Variants in H2BW2 observed in about 807,000 individuals in gnomAD.
H2BW2 encodes the protein histone H2B type F-M.
Under a neutral mutation model 9.2 loss-of-function variants are expected in H2BW2, and 8 were observed. The ratio of observed to expected loss-of-function variants is 0.87; its 90% CI spans 0.51 to 1.57. The LOEUF is 1.57. H2BW2 is among the 40% of genes most tolerant of loss of function. The pLI, the probability that H2BW2 is intolerant of heterozygous loss-of-function variation, is 0.00. For synonymous variants in H2BW2, 80 were observed against 56.8 expected (o/e 1.41, Z -1.84); for missense variants, 193 against 137.3 (o/e 1.41, Z -2.03).
intron 2 of H2BW2, 99 bp downstream of exon 2, chrX:104,040,985 T>G: frequency 1.2e-6 from 1 of 866,631 alleles, no homozygotes; most frequent in Non-Finnish European, 1.6e-6. Flanking sequence ...AAATAAAATT[T>G]TCAAGAATCC....
rs1204352242 is a variant in H2BW2 at position 104,040,545 on chromosome X, G to A, written c.410+141G>A. 5.1e-6 allele frequency: 3 copies of A among 586,020 alleles called. No homozygotes were observed. In the African/African-American group the frequency reaches 6.9e-5, roughly 14 times the overall value. 48.3% of individuals were successfully genotyped at this position (586,020 alleles called of 1,213,427 possible). A position where few individuals can be genotyped will look rare whatever the true frequency, so the allele number is the denominator to read the frequency against. ...ACCCCACCGGAGGTTGGTGTGGGTGGCACCGTTCCAGCTTGGGGGGCATGT... is the reference window on the plus strand; with the variant it reads ...ACCCCACCGGAGGTTGGTGTGGGTGACACCGTTCCAGCTTGGGGGGCATGT... On this transcript the variant is annotated intron_variant, in intron 1 of 3. Transcript: ENST00000675318.
At chrX:104,041,015 C>T in intron 2 of H2BW2, 73 bp from the exon 3 acceptor site, 7 of 606,848 alleles carry the variant, frequency 1.2e-5, no homozygotes, top group East Asian at 3.6e-5. Flanking sequence ...CCAGCTTCCC[C>T]GACTCTGAGA....
Position 104,040,336 on chromosome X carries a change from C to T in H2BW2, c.342C>T (p.Ala114=), listed in dbSNP as rs782305390. The change falls in exon 1 of 4, where the codon GCC becomes GCT. Residue 114 remains alanine, a synonymous_variant. Coordinates refer to ENST00000675318, the MANE Select transcript of H2BW2 (RefSeq NM_001388464.1). ...TCACCTCCCGGGACATCCAGATGGC[C>T]GTGCGACTGCTGCTGCCGGGGAAGA... ...VTITSRDIQM[A]VRLLLPGKMG... 17 of 1,190,646 alleles carry T rather than the reference C, an allele frequency of 1.4e-5. No individual in the cohort carries two copies. The highest frequency in any genetic ancestry group is 3.0e-5 in the East Asian group (1 of 32,794).
At chrX:104,041,530 T>C (rs1170248518) in intron 3 of H2BW2, 1 of 112,019 alleles carries the variant, frequency 8.9e-6, no homozygotes, top group African/African-American at 3.2e-5. Flanking sequence ...GGGTCCCAAG[T>C]CTTGGCATTT....
In H2BW2 at chrX:104,040,355, G is replaced by A; in HGVS notation, c.361G>A (p.Gly121Arg). Residue 121 changes from glycine (G) to arginine (R), a missense_variant, in exon 1 of 4, where the codon GGG becomes AGG. By Grantham distance (125) the Gly-to-Arg change is moderately radical. Transcript: ENST00000675318. ...IQMAVRLLLP[G>R]KMGKLAEAQG... ...GATGGCCGTGCGACTGCTGCTGCCG[G>A]GGAAGATGGGCAAGCTCGCCGAGGC... The A allele has an allele frequency of 8.5e-7, 1 of 1,182,985 alleles. No homozygotes were observed. The highest frequency in any genetic ancestry group is 1.1e-6 in the Non-Finnish European group (1 of 881,180).
Position 104,040,275 on chromosome X carries a change from C to T in H2BW2, c.281C>T (p.Ala94Val), listed in dbSNP as rs1556343866. 3.3e-6 allele frequency: 4 copies of T among 1,194,144 alleles called. No homozygotes were observed. In the African/African-American group the frequency reaches 5.3e-5, roughly 16 times the overall value. Residue 94 changes from alanine to valine, a missense_variant, in exon 1 of 4, where the codon GCT becomes GTT. Physicochemically the swap from Ala to Val is moderately conservative, Grantham distance 64. Transcript: ENST00000675318. ...HDILDRIATE[A>V]GQLAHYTKRV... ...ATATTGGACCGCATCGCCACCGAGG[C>T]TGGTCAGCTGGCCCATTACACCAAG...
intron 2 of H2BW2, 51 bp downstream of exon 2, chrX:104,040,937 A>G: frequency 8.6e-7 from 1 of 1,160,733 alleles, no homozygotes; most frequent in Non-Finnish European, 1.2e-6. Context: ...ATCCATGTAA[A>G]TAAGCAAACG....
At position 104,040,018 on chromosome X, in the gene H2BW2, A is replaced by G. The variant is rs201608628; in HGVS notation, c.24A>G (p.Thr8=). 427 of 1,162,073 alleles carry G rather than the reference A, an allele frequency of 3.7e-4. 2 individuals are homozygous for G. Among genetic ancestry groups the G allele is most frequent in the Middle Eastern group, 2.8e-3 (12 of 4,275 alleles). MAEASSE[T]TSEEGQSIQE... ...CCATGGCTGAGGCTTCCTCTGAGAC[A>G]ACCTCGGAGGAAGGCCAGAGCATCC... Residue 8 remains threonine (T), a synonymous_variant, in exon 1 of 4, where the codon ACA becomes ACG. Coordinates refer to ENST00000675318, the MANE Select transcript of H2BW2 (RefSeq NM_001388464.1).
chrX:104,041,146 C>A, intron 3 of H2BW2, 40 bp downstream of exon 3: 1 of 371,078 alleles, frequency 2.7e-6, no homozygotes, highest in South Asian at 3.6e-5. Flanking sequence ...ACGGAAACAG[C>A]TCATGCCCTA....
rs368059858 is a variant in H2BW2 at position 104,040,891 on chromosome X, C to T, written c.*22+5C>T. ...TATGCTGATACAAGAAGCAAGGTAA[C>T]CCTCCTAAATGTGTTCAGCATCTCT... is the stretch of plus-strand genomic sequence containing the variant. On this transcript the variant is annotated splice_donor_5th_base_variant and intron_variant, in intron 2 of 3. Coordinates refer to ENST00000675318, the MANE Select transcript of H2BW2 (RefSeq NM_001388464.1). 3.4e-6 allele frequency: 4 copies of T among 1,183,885 alleles called. No individual in the cohort carries two copies. The highest frequency in any genetic ancestry group is 4.6e-6 in the Non-Finnish European group (4 of 871,526).
intron 1 of H2BW2, among the ~76,000 whole-genome samples, 159 bp downstream of exon 1, chrX:104,040,563 G>A (rs782583200): frequency 1.7e-3 from 194 of 112,683 alleles, no homozygotes; most frequent in Non-Finnish European, 3.2e-3. Flanking sequence ...CCAGCTTGGG[G>A]GGCATGTGCC....
Position 104,040,176 on chromosome X carries a change from T to G in H2BW2, c.182T>G (p.Val61Gly), listed in dbSNP as rs1556343771. Residue 61 changes from valine (V) to glycine (G), a missense_variant, in exon 1 of 4, where the codon GTG becomes GGG. Coordinates refer to ENST00000675318, the MANE Select transcript of H2BW2 (RefSeq NM_001388464.1). ...AGCTTCACCCCCTATTTCCCCCGGG[T>G]GCTGAAGCAGGTTCACCAGGGCCTC... is the stretch of plus-strand genomic sequence containing the variant. ...GDSFTPYFPR[V>G]LKQVHQGLSL... is the part of the protein sequence containing the mutation. 1.7e-6 allele frequency: 2 copies of G among 1,187,860 alleles called. No homozygotes were observed. Among genetic ancestry groups the G allele is most frequent in the Non-Finnish European group, 2.3e-6 (2 of 884,301 alleles).
intron 3 of H2BW2, chrX:104,041,429 G>T (rs2075204052): frequency 8.8e-6 from 1 of 113,833 alleles, no homozygotes; most frequent in Non-Finnish European, 1.8e-5. Flanking sequence ...ACCATTAGTA[G>T]AAGTCAGATA....
chrX:104,040,152 G>C lies in H2BW2; in HGVS notation c.158G>C (p.Ser53Thr), dbSNP rs782319233. The stretch of plus-strand genomic sequence containing the variant: ...CGCCGTGGGGACAGCTTCGGGGACA[G>C]CTTCACCCCCTATTTCCCCCGGGTG... ...ANRRGDSFGD[S>T]FTPYFPRVLK... The change falls in exon 1 of 4, where the codon AGC becomes ACC. Residue 53 changes from serine (S) to threonine (T), a missense_variant. Ser to Thr is a moderately conservative substitution (Grantham distance 58). Transcript: ENST00000675318. 5.1e-6 allele frequency: 6 copies of C among 1,183,199 alleles called. No individual in the cohort carries two copies. In the African/African-American group the frequency reaches 8.9e-5, roughly 18 times the overall value.
In H2BW2 at chrX:104,040,322, G is replaced by T. The variant is rs782504283; in HGVS notation, c.328G>T (p.Asp110Tyr). The change falls in exon 1 of 4, where the codon GAC becomes TAC. Residue 110 changes from aspartate (D) to tyrosine (Y), a missense_variant. Transcript: ENST00000675318. The stretch of plus-strand genomic sequence containing the variant: ...CAAGCGCGTGACCATCACCTCCCGG[G>T]ACATCCAGATGGCCGTGCGACTGCT... Reference protein sequence around the residue: ...YTKRVTITSRDIQMAVRLLLP... With the variant: ...YTKRVTITSRYIQMAVRLLLP... 50 of 1,194,370 alleles carry T rather than the reference G, an allele frequency of 4.2e-5. No homozygotes were observed. Among genetic ancestry groups the T allele is most frequent in the Non-Finnish European group, 5.5e-5 (49 of 887,698 alleles).
chrX:104,040,113 G>A lies in H2BW2; in HGVS notation c.119G>A (p.Arg40Lys). The change falls in exon 1 of 4, where the codon AGG (arginine) becomes AAG (lysine). Residue 40 changes from arginine to lysine, a missense_variant. Transcript: ENST00000675318. ...QKRRGCRGSRRRHANRRGDSF... is the reference protein window; with the variant it reads ...QKRRGCRGSRKRHANRRGDSF... ...AGGCGAGGGTGCCGAGGCTCCCGCA[G>A]GCGCCACGCCAACCGCCGTGGGGAC... is the stretch of plus-strand genomic sequence containing the variant. 8.5e-7 allele frequency: 1 copy of A among 1,170,419 alleles called. No homozygotes were observed. Among genetic ancestry groups the A allele is most frequent in the South Asian group, 1.9e-5 (1 of 52,277 alleles).
chrX:104,040,261 C>T lies in H2BW2; in HGVS notation c.267C>T (p.Arg89=). Residue 89 remains arginine (R), a synonymous_variant, in exon 1 of 4, where the codon CGC becomes CGT. Coordinates refer to ENST00000675318, the MANE Select transcript of H2BW2 (RefSeq NM_001388464.1). The part of the protein sequence containing the change: ...MDSMIHDILD[R]IATEAGQLAH... Reference sequence around the variant, plus strand: ...CTATGATCCATGACATATTGGACCGCATCGCCACCGAGGCTGGTCAGCTGG... The same window carrying T: ...CTATGATCCATGACATATTGGACCGTATCGCCACCGAGGCTGGTCAGCTGG... 1 of 1,195,037 alleles carries T rather than the reference C, an allele frequency of 8.4e-7. No individual in the cohort carries two copies. The highest frequency in any genetic ancestry group is 1.1e-6 in the Non-Finnish European group (1 of 887,048).
Position 104,040,314 on chromosome X carries a change from C to A in H2BW2, c.320C>A (p.Thr107Asn). The change falls in exon 1 of 4, where the codon ACC becomes AAC. Residue 107 changes from threonine (T) to asparagine (N), a missense_variant. Coordinates refer to ENST00000675318, the MANE Select transcript of H2BW2 (RefSeq NM_001388464.1). ...LAHYTKRVTI[T>N]SRDIQMAVRL... is the part of the protein sequence containing the mutation. ...CATTACACCAAGCGCGTGACCATCA[C>A]CTCCCGGGACATCCAGATGGCCGTG... 2 of 1,195,980 alleles carry A rather than the reference C, an allele frequency of 1.7e-6. No homozygotes were observed. The highest frequency in any genetic ancestry group is 3.0e-5 in the East Asian group (1 of 33,031).
Position 104,040,873 on chromosome X carries a change from A to G in H2BW2, c.*9A>G, listed in dbSNP as rs1556344219. 8.7e-7 allele frequency: 1 copy of G among 1,154,419 alleles called. No homozygotes were observed. ...GGCAACAGAGAAAGTGAATATGCTG[A>G]TACAAGAAGCAAGGTAACCCTCCTA... is the stretch of plus-strand genomic sequence containing the variant. On this transcript the variant is annotated 3_prime_UTR_variant, in exon 2 of 4. Coordinates refer to ENST00000675318, the MANE Select transcript of H2BW2 (RefSeq NM_001388464.1).
Sources: gnomAD v4.1 joint callset for allele counts (sites outside exome capture counted in the v4.1 genomes callset) on GRCh38, gnomAD v4.1.1 for gene constraint, MANE v1.5 for transcripts, NCBI Gene and HGNC (gene_info 2026-07-23, HGNC 2026-07-21) for gene names.